GOSR2: variants seen among roughly 807,000 people sequenced by gnomAD.
GOSR2 encodes 27 kDa Golgi SNARE protein.
Under a neutral mutation model 27.9 loss-of-function variants are expected in GOSR2, and 20 were observed. The ratio of observed to expected loss-of-function variants is 0.72; its 90% CI spans 0.50 to 1.04. The LOEUF is 1.04. Ranked by LOEUF, GOSR2 falls within the 50% of genes least tolerant of loss-of-function variation. GOSR2 has a pLI of 0.00. For missense variants in GOSR2, 261 were observed against 270.5 expected, an observed-to-expected ratio of 0.97 and a Z score of 0.25; for synonymous variants, 91 against 98.8, an observed-to-expected ratio of 0.92 and a Z score of 0.47.
chr17:46,964,363 C>T (rs185382476), intron 6 of GOSR2: 3 of 152,428 alleles, frequency 2.0e-5, no homozygotes, highest in African/African-American at 4.8e-5. Context: ...GATTTCTAGA[C>T]TTCTGATGGA....
intron 6 of GOSR2, chr17:46,952,777 G>A (rs917359748): frequency 6.6e-6 from 1 of 152,138 alleles, no homozygotes; most frequent in Non-Finnish European, 1.5e-5. Context: ...CATGCCTGAA[G>A]CCTCAGAACT....
intron 6 of GOSR2, among the ~76,000 whole-genome samples, chr17:46,974,747 A>ACG (rs1568222565): frequency 2.2e-5 from 1 of 45,164 alleles, no homozygotes; most frequent in Non-Finnish European, 6.5e-5. Flanking sequence ...AAAAAAAAAA[A>ACG]AAGGTCATCT....
Position 46,939,072 on chromosome 17 carries a change from TGCCCTGGGAAGGTGTCCACAGTGA to T in GOSR2, c.*319_*342del. On this transcript the variant is annotated 3_prime_UTR_variant, in exon 6 of 6. Transcript: ENST00000640051. The stretch of plus-strand genomic sequence containing the variant: ...TGGCTTTGTTCACATAGCTGATGCG[TGCCCTGGGAAGGTGTCCACAGTGA>T]GCCCTGTGTGCAGGACTGTCCACAC... The T allele has an allele frequency of 1.8e-6, 2 of 1,135,648 alleles. No homozygotes were observed. The highest frequency in any genetic ancestry group is 2.3e-6 in the Non-Finnish European group (2 of 886,814). 70.3% of individuals were successfully genotyped at this position (1,135,648 alleles called of 1,614,324 possible).
chr17:46,958,364 A>G (rs79679411), intron 6 of GOSR2, among the ~76,000 whole-genome samples: 2 of 152,264 alleles, frequency 1.3e-5, no homozygotes, highest in Non-Finnish European at 2.9e-5. Flanking sequence ...CACTCCTGAC[A>G]GTTGCAACAG....
chr17:46,946,297 A>T (rs964132379), downstream of GOSR2, among the ~76,000 whole-genome samples: 2 of 148,030 alleles, frequency 1.4e-5, no homozygotes, highest in South Asian at 2.2e-4. Context: ...AAAAAAAAAA[A>T]AAAAAGAAAA....
downstream of GOSR2, among the ~76,000 whole-genome samples, chr17:46,944,463 C>A (rs1215696160): frequency 6.6e-6 from 1 of 152,140 alleles, no homozygotes; most frequent in Admixed American, 6.5e-5. Flanking sequence ...TTGGCAGATT[C>A]CAGAGGTCTG....
chr17:46,958,257 C>T (rs756957221), intron 6 of GOSR2, among the ~76,000 whole-genome samples: 1 of 152,200 alleles, frequency 6.6e-6, no homozygotes, highest in Non-Finnish European at 1.5e-5. Flanking sequence ...TCACATTTTA[C>T]AGGCATACAA....
chr17:46,932,246 G>C, intron 4 of GOSR2, 47 bp downstream of exon 4: 1 of 1,610,290 alleles, frequency 6.2e-7, no homozygotes, highest in Non-Finnish European at 8.5e-7. Context: ...GACAGATCGT[G>C]GGGGCTGGAG....
At chr17:46,936,179 A>C (rs1446805479) in intron 5 of GOSR2, 5 of 985,382 alleles carry the variant, frequency 5.1e-6, no homozygotes, top group Non-Finnish European at 1.2e-6. Context: ...CATGAGAGCC[A>C]CCTGCAGTGA....
intron 6 of GOSR2, among the ~76,000 whole-genome samples, chr17:46,947,560 G>A (rs2090006113): frequency 6.6e-6 from 1 of 152,200 alleles, no homozygotes; most frequent in South Asian, 2.1e-4. Flanking sequence ...CTTTTTAGGT[G>A]CAGTGTAATG....
intron 2 of GOSR2, 191 bp downstream of exon 2, chr17:46,929,775 A>G (rs1324939813): frequency 1.2e-5 from 7 of 582,656 alleles, no homozygotes; most frequent in Non-Finnish European, 1.5e-5. Flanking sequence ...GAATCCCACA[A>G]GTCTTATCCC....
intron 6 of GOSR2, among the ~76,000 whole-genome samples, chr17:46,960,016 C>T (rs1353403143): frequency 6.6e-6 from 1 of 152,154 alleles, no homozygotes; most frequent in East Asian, 1.9e-4. Flanking sequence ...CTTGGTTGGG[C>T]CAGGACATCC....
Position 46,939,807 on chromosome 17 carries a change from G to C in GOSR2, c.*1047G>C. The C allele has an allele frequency of 8.1e-6, 8 of 988,196 alleles. No individual in the cohort carries two copies. Among genetic ancestry groups the C allele is most frequent in the Non-Finnish European group, 9.6e-6 (8 of 831,216 alleles). The allele number at this position is 988,196 out of a possible 1,614,324, so 61.2% of individuals were successfully genotyped here. ...CTGTGACCAGCCCCGGATTCAGGCT[G>C]TACTAATACCAGGTATATTGTGGAA... On this transcript the variant is annotated 3_prime_UTR_variant, in exon 6 of 6. Coordinates refer to ENST00000640051, the MANE Select transcript of GOSR2 (RefSeq NM_004287.5).
chr17:46,953,872 T>G (rs2090541120), intron 6 of GOSR2, among the ~76,000 whole-genome samples: 1 of 152,242 alleles, frequency 6.6e-6, no homozygotes, highest in Non-Finnish European at 1.5e-5. Flanking sequence ...CTTCGCCCAC[T>G]TGTTGATGGG....
At chr17:46,943,224 T>A (rs1390955695), downstream of GOSR2, among the ~76,000 whole-genome samples, 1 of 152,154 alleles carries the variant, frequency 6.6e-6, no homozygotes, top group Non-Finnish European at 1.5e-5. Flanking sequence ...GATGGAAGCC[T>A]GATTCTCCCT....
intron 6 of GOSR2, among the ~76,000 whole-genome samples, chr17:46,974,129 G>A (rs961968068): frequency 4.6e-5 from 7 of 152,258 alleles, no homozygotes; most frequent in Non-Finnish European, 1.0e-4. Context: ...GACCCCAGAA[G>A]TACTATCCCC....
In GOSR2 at chr17:46,932,672, G is replaced by A. The variant is rs2087584130; in HGVS notation, c.336+473G>A. On this transcript the variant is annotated intron_variant, in intron 4 of 5. Coordinates refer to ENST00000640051, the MANE Select transcript of GOSR2 (RefSeq NM_004287.5). ...TCTGAGCAGCAATTTGGAGGAATTT[G>A]TTAACAGATGTTTAGGGTTAGATGG... 5 of 238,270 alleles carry A rather than the reference G, an allele frequency of 2.1e-5. 1 individual carries two copies. The South Asian group carries it at 3.7e-4, about 18-fold the overall frequency. The allele number at this position is 238,270 out of a possible 1,614,324, so 14.8% of individuals were successfully genotyped here. A position where few individuals can be genotyped will look rare whatever the true frequency, so the allele number is the denominator to read the frequency against.
downstream of GOSR2, among the ~76,000 whole-genome samples, chr17:46,971,400 C>T (rs146959733): frequency 1.1e-3 from 164 of 152,224 alleles, 2 homozygotes; most frequent in East Asian, 0.019. Flanking sequence ...ATGGCTTCTG[C>T]AGTCTCTTCT....
At chr17:46,930,986 G>A (rs1488575414) in intron 2 of GOSR2, 113 bp from the exon 3 acceptor site, 4 of 702,960 alleles carry the variant, frequency 5.7e-6, no homozygotes, top group Non-Finnish European at 5.2e-6. Context: ...TTCTCCTTTT[G>A]AAATATGTAG....
Sources: gnomAD v4.1 joint callset for allele counts (sites outside exome capture counted in the v4.1 genomes callset) on GRCh38, gnomAD v4.1.1 for gene constraint, MANE v1.5 for transcripts, NCBI Gene and HGNC (gene_info 2026-07-23, HGNC 2026-07-21) for gene names.